The following RPS6KA2 variants were observed in gnomAD, a reference collection of about 807,000 sequenced individuals.
RPS6KA2 encodes ribosomal protein S6 kinase A2, also known as ribosomal protein S6 kinase alpha-2.
RPS6KA2 carries 42 observed loss-of-function variants against 91.8 expected under a neutral mutation model. That is an observed-to-expected ratio of 0.46 (90% confidence interval 0.36 to 0.59). The LOEUF is 0.59. Ranked by LOEUF, RPS6KA2 falls within the 20% of genes least tolerant of loss-of-function variation. The probability of loss-of-function intolerance (pLI) is 0.00; values close to 1 mark genes in which losing one functional copy is unlikely to be tolerated. For missense variants in RPS6KA2, 798 were observed against 978.5 expected (o/e 0.82, Z 2.46); for synonymous variants, 414 against 393.6 (o/e 1.05, Z -0.61).
intron 11 of RPS6KA2, among the ~76,000 whole-genome samples, chr6:166,461,600 A>AG (rs1302508794): frequency 5.3e-5 from 6 of 112,884 alleles, no homozygotes; most frequent in Admixed American, 1.9e-4. Flanking sequence ...GGGGAGGGGA[A>AG]GGGGGTAAGA....
intron 1 of RPS6KA2, among the ~76,000 whole-genome samples, chr6:166,578,763 CAG>C (rs953368521): frequency 3.3e-5 from 5 of 152,318 alleles, no homozygotes; most frequent in African/African-American, 1.2e-4. Context: ...CCTACTCAAT[CAG>C]AGTGTCTGGG....
chr6:166,460,203 C>A (rs112917321), intron 11 of RPS6KA2, among the ~76,000 whole-genome samples: 1 of 152,238 alleles, frequency 6.6e-6, no homozygotes, highest in Non-Finnish European at 1.5e-5. Context: ...CCCATGCCCC[C>A]TCTGGGCCCA....
At chr6:166,531,501 G>A (rs947501410) in intron 2 of RPS6KA2, among the ~76,000 whole-genome samples, 188 bp from the exon 3 acceptor site, 2 of 152,180 alleles carry the variant, frequency 1.3e-5, no homozygotes, top group African/African-American at 4.8e-5. Context: ...ATAGCTCTGC[G>A]GCGAACATCA....
At chr6:166,615,868 T>A in intron 1 of RPS6KA2, among the ~76,000 whole-genome samples, 1 of 152,186 alleles carries the variant, frequency 6.6e-6, no homozygotes, top group East Asian at 1.9e-4. Context: ...TCCCGCCCAC[T>A]CTTTGCCCTT....
intron 10 of RPS6KA2, among the ~76,000 whole-genome samples, chr6:166,480,509 ATATATAATATATT>A (rs1562523955): frequency 1.4e-4 from 14 of 101,662 alleles, no homozygotes; most frequent in African/African-American, 4.0e-4. Context: ...ATATATATAT[ATATATAATATATT>A]TTTTTTTTTT....
chr6:166,703,105 C>T (rs1789575109), intron 2 of RPS6KA2, among the ~76,000 whole-genome samples: 1 of 152,338 alleles, frequency 6.6e-6, no homozygotes, highest in African/African-American at 2.4e-5. Context: ...ATTGAGCTAA[C>T]TTTTCACAGT....
chr6:166,715,216 C>T (rs1482721464), intron 2 of RPS6KA2, among the ~76,000 whole-genome samples: 7 of 152,244 alleles, frequency 4.6e-5, no homozygotes. Context: ...GGTGGCTTCC[C>T]TCCAACTTGG....
chr6:166,485,345 G>T (rs1177707973), intron 10 of RPS6KA2, among the ~76,000 whole-genome samples: 2 of 152,206 alleles, frequency 1.3e-5, no homozygotes, highest in Non-Finnish European at 2.9e-5. Context: ...GCATTTTGTG[G>T]CAGTTTACAG....
At chr6:166,491,439 T>C (rs1569462) in intron 8 of RPS6KA2, among the ~76,000 whole-genome samples, 82,949 of 151,956 alleles carry the variant, frequency 0.55, 24,494 homozygotes, top group African/African-American at 0.77. Flanking sequence ...AGCAGTGGCC[T>C]GGAATGGTCT....
At chr6:166,559,386 G>A (rs554883295) in intron 1 of RPS6KA2, among the ~76,000 whole-genome samples, 11 of 152,116 alleles carry the variant, frequency 7.2e-5, no homozygotes, top group South Asian at 2.1e-4. Flanking sequence ...TCCTTCAAGT[G>A]TGCACCAGCC....
chr6:166,413,765 A>G, intron 20 of RPS6KA2, 29 bp downstream of exon 20: 1 of 1,611,876 alleles, frequency 6.2e-7, no homozygotes, highest in African/African-American at 1.3e-5. Context: ...CATTCCCACC[A>G]CTCTGTCCTC....
At chr6:166,701,476 C>T in intron 2 of RPS6KA2, 3 of 1,169,374 alleles carry the variant, frequency 2.6e-6, no homozygotes, top group East Asian at 2.3e-5. Context: ...CATCACCATC[C>T]TCACCTTAGC....
chr6:166,610,426 A>C (rs1213307996), intron 1 of RPS6KA2, among the ~76,000 whole-genome samples: 1 of 152,236 alleles, frequency 6.6e-6, no homozygotes, highest in African/African-American at 2.4e-5. Flanking sequence ...AAAATCAAGA[A>C]CAAAATTCAA....
intron 3 of RPS6KA2, among the ~76,000 whole-genome samples, chr6:166,511,191 G>A (rs892643374): frequency 9.9e-5 from 15 of 152,134 alleles, no homozygotes; most frequent in African/African-American, 3.1e-4. Flanking sequence ...AGGTCTTCAT[G>A]TCCCTTTGTA....
rs375200226 is a variant in RPS6KA2 at position 166,475,826 on chromosome 6, G to A, written c.908-5921C>T. On this transcript the variant is annotated intron_variant, in intron 10 of 20. Coordinates refer to ENST00000265678, the MANE Select transcript of RPS6KA2 (RefSeq NM_021135.6). ...TGGAGCAACTCACACGGGGGCAGAG[G>A]GCCGTTTTCTCACCTGCAGAGTGTA... The A allele has an allele frequency of 7.1e-4, 370 of 523,954 alleles. 6 individuals are homozygous for A. Among genetic ancestry groups the A allele is most frequent in the South Asian group, 4.0e-3 (283 of 71,000 alleles). 32.5% of individuals were successfully genotyped at this position (523,954 alleles called of 1,614,324 possible).
At chr6:166,513,394 A>G (rs1219290163) in intron 3 of RPS6KA2, among the ~76,000 whole-genome samples, 3 of 152,244 alleles carry the variant, frequency 2.0e-5, no homozygotes, top group Non-Finnish European at 4.4e-5. Context: ...CCAAGGGGAC[A>G]CAGGAGGTCC....
chr6:166,755,742 G>A lies in RPS6KA2; in HGVS notation c.123+102458C>T, dbSNP rs371617888. Among the ~76,000 whole-genome samples, 121 of 152,212 alleles carry A rather than the reference G, an allele frequency of 7.9e-4. 2 individuals carry two copies. In the South Asian group the frequency reaches 0.019, roughly 24 times the overall value. On this transcript the variant is annotated intron_variant, in intron 2 of 21. Coordinates refer to the RPS6KA2 transcript ENST00000503859. Reference sequence around the variant, plus strand: ...TACTGACATCTTTCGGACGTAAGACGGGGTGTCGGTAAGGAAATACCCCCA... The same window carrying A: ...TACTGACATCTTTCGGACGTAAGACAGGGTGTCGGTAAGGAAATACCCCCA...
At chr6:166,705,338 C>A (rs959957752) in intron 2 of RPS6KA2, among the ~76,000 whole-genome samples, 2 of 152,202 alleles carry the variant, frequency 1.3e-5, no homozygotes, top group African/African-American at 4.8e-5. Flanking sequence ...CTGCTGCCAC[C>A]TTCATCTTAC....
chr6:166,423,243 G>C lies in RPS6KA2; in HGVS notation c.1743+13C>G, dbSNP rs773432032. Reference sequence around the variant, plus strand: ...GATAGAGAGGCCTGGGTCTGCAGTCGGGGAATGCTCACCTCCGGGGCCACG... The same window carrying C: ...GATAGAGAGGCCTGGGTCTGCAGTCCGGGAATGCTCACCTCCGGGGCCACG... On this transcript the variant is annotated intron_variant, in intron 17 of 20. Coordinates refer to ENST00000265678, the MANE Select transcript of RPS6KA2 (RefSeq NM_021135.6). The surrounding 1 kb of genome is among the most constrained non-coding windows in gnomAD (Gnocchi z 4.8). 2 of 1,600,842 alleles carry C rather than the reference G, an allele frequency of 1.2e-6. No individual in the cohort carries two copies. Among genetic ancestry groups the C allele is most frequent in the African/African-American group, 2.7e-5 (2 of 74,694 alleles).
Sources: gnomAD v4.1 joint callset for allele counts (sites outside exome capture counted in the v4.1 genomes callset) on GRCh38, gnomAD v4.1.1 for gene constraint, Gnocchi (gnomAD v3.1) non-coding constraint, MANE v1.5 for transcripts, NCBI Gene and HGNC (gene_info 2026-07-23, HGNC 2026-07-21) for gene names.